Variants in SEMA6D observed in about 807,000 individuals in gnomAD.
The protein encoded by SEMA6D is semaphorin 6D, also known as semaphorin-6D.
In SEMA6D, 35 loss-of-function variants were observed where a neutral mutation model predicts 106.6. That is an observed-to-expected ratio of 0.33 (90% CI 0.25 to 0.44). SEMA6D has a LOEUF of 0.44. Ranked by LOEUF, SEMA6D falls within the 20% of genes least tolerant of loss-of-function variation. SEMA6D has a pLI of 1.00. For missense variants in SEMA6D, 1,185 were observed against 1,345.9 expected (o/e 0.88, Z 1.87); for synonymous variants, 499 against 487.7 (o/e 1.02, Z -0.31).
At chr15:47,376,780 C>A (rs374004502) in intron 1 of SEMA6D, among the ~76,000 whole-genome samples, 2 of 152,108 alleles carry the variant, frequency 1.3e-5, no homozygotes, top group Admixed American at 6.6e-5. Context: ...ATGTTAAGTA[C>A]CCCCAATCTC....
In SEMA6D at chr15:47,727,023, A is replaced by T. The variant is rs141925783; in HGVS notation, c.-55+9331A>T. Among the ~76,000 whole-genome samples, 565 of 152,274 alleles carry T rather than the reference A, an allele frequency of 3.7e-3. 3 individuals are homozygous for T. The highest frequency in any genetic ancestry group is 0.013 in the African/African-American group (529 of 41,544). On this transcript the variant is annotated intron_variant, in intron 1 of 18. Transcript: ENST00000536845. ...CCTAGACCTTGGCACCCTTTTGAAGATTCCTAACCCCGATGTCAGCTGTTT... is the reference window on the plus strand; with the variant it reads ...CCTAGACCTTGGCACCCTTTTGAAGTTTCCTAACCCCGATGTCAGCTGTTT...
At chr15:47,202,615 C>T (rs1357400029) in intron 1 of SEMA6D, among the ~76,000 whole-genome samples, 1 of 152,200 alleles carries the variant, frequency 6.6e-6, no homozygotes, top group Non-Finnish European at 1.5e-5. Flanking sequence ...GTCAAACGGT[C>T]AAACCATGCA....
In SEMA6D at chr15:47,647,754, T is replaced by C. The variant is rs964361706; in HGVS notation, c.-55+46858T>C. 4.0e-5 allele frequency among the ~76,000 whole-genome samples: 6 copies of C among 150,632 alleles called. No individual in the cohort carries two copies. In the Admixed American group the frequency reaches 4.0e-4, roughly 10 times the overall value. On this transcript the variant is annotated intron_variant, in intron 4 of 19. Coordinates refer to the SEMA6D transcript ENST00000558014. ...AAAAAAATCAGCACTAACAGCCTTA[T>C]TGGAAGCAAATTATTCAATGAATCC...
In SEMA6D at chr15:47,293,974, C is replaced by T. The variant is rs78722540; in HGVS notation, c.-239+109556C>T. ...TGTGGTGTCATTGGTATTTATTCTG[C>T]AACGTCAGCAGTGCTTGCCGGCCAA... is the stretch of plus-strand genomic sequence containing the variant. On this transcript the variant is annotated intron_variant, in intron 1 of 19. Coordinates refer to the SEMA6D transcript ENST00000558014. 3.4e-3 allele frequency among the ~76,000 whole-genome samples: 517 copies of T among 152,270 alleles called. 1 individual carries two copies. Among genetic ancestry groups the T allele is most frequent in the Middle Eastern group, 0.024 (7 of 294 alleles).
chr15:47,717,912 GCT>G (rs138575779), intron 1 of SEMA6D, among the ~76,000 whole-genome samples: 29,925 of 145,294 alleles, frequency 0.21, 3,987 homozygotes, highest in South Asian at 0.32. Flanking sequence ...TTTCCAAGCT[GCT>G]CTCTCTGCCT....
intron 18 of SEMA6D, among the ~76,000 whole-genome samples, chr15:47,769,063 C>T (rs2082496147): frequency 6.6e-6 from 1 of 152,154 alleles, no homozygotes; most frequent in Non-Finnish European, 1.5e-5. Context: ...ACCGCAGCAA[C>T]ATCAAAAAAC....
At chr15:47,404,117 G>A (rs2040483637) in intron 1 of SEMA6D, among the ~76,000 whole-genome samples, 1 of 152,144 alleles carries the variant, frequency 6.6e-6, no homozygotes, top group Non-Finnish European at 1.5e-5. Context: ...CGCTACAGAA[G>A]TGTATCTCAA....
At chr15:47,482,572 A>C (rs2141316770) in intron 3 of SEMA6D, among the ~76,000 whole-genome samples, 1 of 152,292 alleles carries the variant, frequency 6.6e-6, no homozygotes, top group South Asian at 2.1e-4. Context: ...GATATGTATT[A>C]ACATTAATAA....
At chr15:47,389,196 C>T (rs1361327246) in intron 1 of SEMA6D, among the ~76,000 whole-genome samples, 3 of 152,106 alleles carry the variant, frequency 2.0e-5, no homozygotes, top group Non-Finnish European at 2.9e-5. Flanking sequence ...TAGTATTCGT[C>T]TCTACTTTAT....
Position 47,380,445 on chromosome 15 carries a change from C to T in SEMA6D, c.-238-31948C>T, listed in dbSNP as rs534717068. 3.3e-5 allele frequency: 5 copies of T among 152,324 alleles called. No homozygotes were observed. In the South Asian group the frequency reaches 1.0e-3, roughly 32 times the overall value. 9.4% of individuals were successfully genotyped at this position (152,324 alleles called of 1,614,324 possible). ...TTTTATTTTTCCCCCAAAACGTTTG[C>T]AGTTACATTACCTTTACAGAATTTG... On this transcript the variant is annotated intron_variant, in intron 1 of 19. Coordinates refer to the SEMA6D transcript ENST00000558014.
At chr15:47,756,189 G>T (rs182704877) in intron 1 of SEMA6D, among the ~76,000 whole-genome samples, 1 of 152,178 alleles carries the variant, frequency 6.6e-6, no homozygotes, top group Admixed American at 6.5e-5. Flanking sequence ...CTAAGCTTGC[G>T]TGTGAGGAAG....
chr15:47,258,766 A>G (rs2033931214), intron 1 of SEMA6D, among the ~76,000 whole-genome samples: 1 of 152,100 alleles, frequency 6.6e-6, no homozygotes, highest in South Asian at 2.1e-4. Flanking sequence ...TTTCCATAAT[A>G]AATATCATAC....
At chr15:47,199,327 A>G (rs1894562857) in intron 1 of SEMA6D, among the ~76,000 whole-genome samples, 1 of 152,166 alleles carries the variant, frequency 6.6e-6, no homozygotes, top group Middle Eastern at 3.2e-3. Context: ...CTGTGAATTC[A>G]CAATACATTT....
chr15:47,435,943 A>T (rs2041686032), intron 2 of SEMA6D, among the ~76,000 whole-genome samples: 1 of 152,064 alleles, frequency 6.6e-6, no homozygotes, highest in African/African-American at 2.4e-5. Flanking sequence ...TGTGAAGGGA[A>T]GTGTCACTTT....
rs1566976144 is a variant in SEMA6D, at chr15:47,290,161, C to CT, written c.-239+105743_-239+105744insT. ...TCACATCTCTGGTTTAAGGCCTATA[C>CT]ATAAGAGAAATTGAAGGGATCGCTG... On this transcript the variant is annotated intron_variant, in intron 1 of 19. Transcript: ENST00000558014. Among the ~76,000 whole-genome samples, 3 of 152,282 alleles carry CT rather than the reference C, an allele frequency of 2.0e-5. No individual in the cohort carries two copies. In the East Asian group the frequency reaches 5.8e-4, roughly 29 times the overall value.
At chr15:47,591,655 G>A (rs2076442544) in intron 3 of SEMA6D, among the ~76,000 whole-genome samples, 1 of 152,174 alleles carries the variant, frequency 6.6e-6, no homozygotes, top group Admixed American at 6.5e-5. Context: ...TAATTAGCAG[G>A]TTAAGCCTGA....
At chr15:47,249,782 T>C (rs1373502692) in intron 1 of SEMA6D, among the ~76,000 whole-genome samples, 1 of 152,190 alleles carries the variant, frequency 6.6e-6, no homozygotes, top group Non-Finnish European at 1.5e-5. Context: ...GCAGAAGGGT[T>C]CTTGCCTTTT....
At chr15:47,589,504 C>T (rs1000384455) in intron 3 of SEMA6D, among the ~76,000 whole-genome samples, 1 of 152,244 alleles carries the variant, frequency 6.6e-6, no homozygotes, top group East Asian at 1.9e-4. Flanking sequence ...GCCTGCTGAG[C>T]CATGGGCTCC....
intron 3 of SEMA6D, among the ~76,000 whole-genome samples, chr15:47,564,923 G>A (rs1167678583): frequency 1.3e-5 from 2 of 152,160 alleles, no homozygotes; most frequent in African/African-American, 4.8e-5. Flanking sequence ...GCTTGACAGT[G>A]TAACTTCAGA....
Sources: allele counts gnomAD v4.1 joint callset (sites outside exome capture counted in the v4.1 genomes callset), GRCh38; gene constraint gnomAD v4.1.1; transcripts MANE v1.5; gene names NCBI Gene and HGNC (gene_info 2026-07-23, HGNC 2026-07-21).